Variants in RFX4 observed in about 807,000 individuals in gnomAD.
RFX4 encodes the protein transcription factor RFX4.
In RFX4, 10 loss-of-function variants were observed where a neutral mutation model predicts 95.0. That is an observed-to-expected ratio of 0.11 (90% CI 0.06 to 0.18). The LOEUF (loss-of-function observed/expected upper bound fraction) is 0.18. RFX4 is among the 10% of genes least tolerant of loss of function. The probability of loss-of-function intolerance (pLI) is 1.00; values close to 1 mark genes in which losing one functional copy is unlikely to be tolerated. For synonymous variants in RFX4, 321 were observed against 340.7 expected (o/e 0.94, Z 0.64); for missense variants, 640 against 922.0 (o/e 0.69, Z 3.96).
chr12:106,750,743 GCTATCT>G lies in RFX4; in HGVS notation c.1888_1893del (p.Ile630_Ser631del). 4 of 1,612,654 alleles carry G rather than the reference GCTATCT, an allele frequency of 2.5e-6. No homozygotes were observed. The highest frequency in any genetic ancestry group is 3.4e-6 in the Non-Finnish European group (4 of 1,179,550). ...GTATCCGGCCCTCCCTCATGACACA[GCTATCT>G]CTGGGCCACTCCACTATGCCCCTTA... On this transcript the variant is annotated inframe_deletion, in exon 17 of 18. Coordinates refer to ENST00000392842, the MANE Select transcript of RFX4 (RefSeq NM_213594.3).
At chr12:106,593,474 T>C (rs1218437757) in intron 1 of RFX4, among the ~76,000 whole-genome samples, 1 of 152,216 alleles carries the variant, frequency 6.6e-6, no homozygotes, top group African/African-American at 2.4e-5. Flanking sequence ...AACTAGTCTT[T>C]GAACTAGATT....
intron 15 of RFX4, among the ~76,000 whole-genome samples, chr12:106,734,473 G>A (rs370142296): frequency 1.1e-4 from 16 of 152,028 alleles, no homozygotes; most frequent in African/African-American, 3.9e-4. Flanking sequence ...GCACATGCCT[G>A]TAATCCCAGC....
chr12:106,757,374 C>T (rs2043127503), intron 17 of RFX4, among the ~76,000 whole-genome samples: 1 of 151,984 alleles, frequency 6.6e-6, no homozygotes. Flanking sequence ...GTAGTGAGAC[C>T]TCACCTCTAC....
chr12:106,645,258 G>T (rs1030910924), intron 3 of RFX4, among the ~76,000 whole-genome samples: 1 of 152,122 alleles, frequency 6.6e-6, no homozygotes, highest in African/African-American at 2.4e-5. Context: ...AATCCCGGCC[G>T]CACAATAACC....
chr12:106,591,031 G>C (rs1278070376), intron 1 of RFX4, among the ~76,000 whole-genome samples: 2 of 152,064 alleles, frequency 1.3e-5, no homozygotes, highest in Non-Finnish European at 1.5e-5. Flanking sequence ...CAAGAGATGA[G>C]TAAGTGGCAG....
intron 15 of RFX4, among the ~76,000 whole-genome samples, chr12:106,735,872 A>G (rs1438517300): frequency 1.3e-5 from 2 of 152,234 alleles, no homozygotes; most frequent in African/African-American, 4.8e-5. Flanking sequence ...AGTGAGATAT[A>G]AACTAATGCT....
At chr12:106,643,218 G>C (rs2040671066) in intron 3 of RFX4, among the ~76,000 whole-genome samples, 1 of 152,196 alleles carries the variant, frequency 6.6e-6, no homozygotes. Flanking sequence ...CCTCCCAGTA[G>C]GGGGAACAAT....
intron 4 of RFX4, among the ~76,000 whole-genome samples, chr12:106,656,679 A>G (rs1245027077): frequency 1.3e-5 from 2 of 150,522 alleles, no homozygotes; most frequent in Admixed American, 1.3e-4. Flanking sequence ...CTCCTCTTCC[A>G]TCTCCCTTCT....
At chr12:106,750,333 C>T (rs984677086) in intron 16 of RFX4, among the ~76,000 whole-genome samples, 8 of 151,660 alleles carry the variant, frequency 5.3e-5, no homozygotes, top group Admixed American at 1.3e-4. Context: ...AAAAATTAGC[C>T]GGGCATGGTG....
intron 1 of RFX4, among the ~76,000 whole-genome samples, chr12:106,606,390 C>T (rs2039835119): frequency 6.6e-6 from 1 of 152,130 alleles, no homozygotes; most frequent in African/African-American, 2.4e-5. Flanking sequence ...CAAACTTTAG[C>T]AGATGCCATC....
intron 14 of RFX4, 116 bp from the exon 15 acceptor site, chr12:106,732,808 A>C (rs1252644933): frequency 2.1e-6 from 2 of 974,548 alleles, no homozygotes; most frequent in African/African-American, 1.6e-5. Context: ...ACCATCGAAG[A>C]GTTTGACAAG....
chr12:106,738,060 C>T (rs1159840298), intron 15 of RFX4, among the ~76,000 whole-genome samples: 1 of 152,288 alleles, frequency 6.6e-6, no homozygotes, highest in African/African-American at 2.4e-5. Context: ...CGCAGCTCTT[C>T]ATGCAGCTCT....
intron 2 of RFX4, among the ~76,000 whole-genome samples, chr12:106,613,227 A>G (rs2039997357): frequency 2.2e-5 from 3 of 135,574 alleles, no homozygotes; most frequent in East Asian, 4.5e-4. Context: ...AAAATCAATC[A>G]ATATAATGTA....
intron 3 of RFX4, chr12:106,645,935 A>G: frequency 7.8e-7 from 1 of 1,289,196 alleles, no homozygotes; most frequent in Non-Finnish European, 1.0e-6. Context: ...AGATGGAGAA[A>G]GGTCAGTTAA....
At chr12:106,745,898 A>C (rs976137551) in intron 15 of RFX4, among the ~76,000 whole-genome samples, 2 of 152,206 alleles carry the variant, frequency 1.3e-5, no homozygotes, top group Non-Finnish European at 2.9e-5. Flanking sequence ...TGATGAGTTT[A>C]GTATTGCTAT....
At chr12:106,664,158 T>A (rs1473784307) in intron 4 of RFX4, among the ~76,000 whole-genome samples, 1 of 151,924 alleles carries the variant, frequency 6.6e-6, no homozygotes, top group African/African-American at 2.4e-5. Flanking sequence ...AAATGTTTGG[T>A]AGAATTTACC....
rs1046521250 is a variant in RFX4, at chr12:106,586,144, C to T, written c.43+2781C>T. On this transcript the variant is annotated intron_variant, in intron 1 of 17. Transcript: ENST00000392842. This position sits in a 1 kb window ranked among gnomAD's most constrained non-coding sequence, Gnocchi z 5.6. The stretch of plus-strand genomic sequence containing the variant: ...TCTCGGAGGCAAAGCCCCAGCTTGC[C>T]GCGCGCCGCGGTGCTCCGGCAGGAG... Among the ~76,000 whole-genome samples the T allele has an allele frequency of 6.6e-6, 1 of 152,190 alleles. No homozygotes were observed. Among genetic ancestry groups the T allele is most frequent in the Non-Finnish European group, 1.5e-5 (1 of 68,032 alleles).
intron 8 of RFX4, among the ~76,000 whole-genome samples, chr12:106,701,506 T>C (rs2041990314): frequency 6.6e-6 from 1 of 152,168 alleles, no homozygotes; most frequent in Non-Finnish European, 1.5e-5. Flanking sequence ...TACAAGTATG[T>C]TAGGCCATTT....
chr12:106,746,589 G>T (rs2042899830), intron 15 of RFX4, among the ~76,000 whole-genome samples: 1 of 151,884 alleles, frequency 6.6e-6, no homozygotes, highest in Non-Finnish European at 1.5e-5. Context: ...ATTTTGTCAG[G>T]TTTTTATCCC....
Sources: gnomAD v4.1 joint callset for allele counts (sites outside exome capture counted in the v4.1 genomes callset) on GRCh38, gnomAD v4.1.1 for gene constraint, Gnocchi (gnomAD v3.1) non-coding constraint, MANE v1.5 for transcripts, NCBI Gene and HGNC (gene_info 2026-07-23, HGNC 2026-07-21) for gene names.